KRT86: variants seen among roughly 807,000 people sequenced by gnomAD.
KRT86 encodes the protein keratin 86.
A neutral mutation model predicts 41.2 loss-of-function variants in KRT86; 30 were observed. The observed-to-expected ratio is 0.73, with a 90% CI of 0.54 to 0.99. The LOEUF (loss-of-function observed/expected upper bound fraction) is 0.99, where lower values mean the gene tolerates loss of function less well. Among genes scored for constraint, KRT86 ranks in the 50% least tolerant of loss-of-function variants. The probability of loss-of-function intolerance (pLI) is 0.00; values close to 1 mark genes in which losing one functional copy is unlikely to be tolerated. For synonymous variants in KRT86, 238 were observed against 238.1 expected, an observed-to-expected ratio of 1.00 and a Z score of 0.00; for missense variants, 561 against 571.4, an observed-to-expected ratio of 0.98 and a Z score of 0.19.
At chr12:52,288,911 T>C (rs1367549564) in intron 2 of KRT86, among the ~76,000 whole-genome samples, 3 of 149,922 alleles carry the variant, frequency 2.0e-5, no homozygotes, top group African/African-American at 7.4e-5. Context: ...AGCAGAGACA[T>C]TGTATCTGCT....
Position 52,308,871 on chromosome 12 carries a change from T to C in KRT86, c.*286T>C. Reference sequence around the variant, plus strand: ...CCTGCCTTCTGTTTTTTTTGCTGTATACATTGGTCTTGCCTGAGCTCTTCC... The same window carrying C: ...CCTGCCTTCTGTTTTTTTTGCTGTACACATTGGTCTTGCCTGAGCTCTTCC... On this transcript the variant is annotated 3_prime_UTR_variant, in exon 11 of 11. Coordinates refer to ENST00000423955, the MANE Select transcript of KRT86 (RefSeq NM_001320198.2). 1 of 476,784 alleles carries C rather than the reference T, an allele frequency of 2.1e-6. No individual in the cohort carries two copies. Among genetic ancestry groups the C allele is most frequent in the South Asian group, 2.2e-5 (1 of 45,970 alleles). The allele number at this position is 476,784 out of a possible 1,614,324, so 29.5% of individuals were successfully genotyped here.
intron 2 of KRT86, among the ~76,000 whole-genome samples, chr12:52,278,085 C>T (rs953497762): frequency 1.3e-5 from 2 of 152,096 alleles, no homozygotes; most frequent in Non-Finnish European, 1.5e-5. Flanking sequence ...CTCCCCAGGC[C>T]TGGGGAAGGT....
chr12:52,285,805 C>A, intron 2 of KRT86: 1 of 211,912 alleles, frequency 4.7e-6, no homozygotes. Flanking sequence ...GGATAGAAAA[C>A]TGTACTGGAG....
rs900959362 is a variant in KRT86, at chr12:52,275,853, C to T, written c.-98C>T. ...AATTAAAGGCAACTGTGCAGAAACACACGCAGAGCCTGAAGCCCAGCAAGG... is the reference window on the plus strand; with the variant it reads ...AATTAAAGGCAACTGTGCAGAAACATACGCAGAGCCTGAAGCCCAGCAAGG... On this transcript the variant is annotated 5_prime_UTR_variant, in exon 2 of 11. Coordinates refer to ENST00000423955, the MANE Select transcript of KRT86 (RefSeq NM_001320198.2). The T allele has an allele frequency of 7.1e-6, 7 of 985,866 alleles. No homozygotes were observed. Among genetic ancestry groups the T allele is most frequent in the Non-Finnish European group, 8.4e-6 (7 of 830,000 alleles). The allele number at this position is 985,866 out of a possible 1,614,324, so 61.1% of individuals were successfully genotyped here.
At chr12:52,295,985 C>T (rs1938240649) in intron 2 of KRT86, among the ~76,000 whole-genome samples, 1 of 151,896 alleles carries the variant, frequency 6.6e-6, no homozygotes, top group South Asian at 2.1e-4. Flanking sequence ...AAGCAAAGTC[C>T]TTGGCTTGGG....
Position 52,286,345 on chromosome 12 carries a change from G to T in KRT86, c.-5+10399G>T, listed in dbSNP as rs528988173. The T allele has an allele frequency of 3.2e-6, 5 of 1,555,186 alleles. No homozygotes were observed. In the East Asian group the frequency reaches 1.2e-4, roughly 38 times the overall value. On this transcript the variant is annotated intron_variant, in intron 2 of 10. Coordinates refer to ENST00000423955, the MANE Select transcript of KRT86 (RefSeq NM_001320198.2). ...CGCCGCAGGAACCCCCTCCGCAGGT[G>T]GTGTTCAATTGGCCGCAGGGCGCAC...
intron 2 of KRT86, among the ~76,000 whole-genome samples, chr12:52,294,984 A>G (rs930677525): frequency 4.6e-5 from 7 of 152,184 alleles, no homozygotes; most frequent in Non-Finnish European, 8.8e-5. Context: ...TTGCATGGCT[A>G]TACCACAGTT....
At position 52,305,563 on chromosome 12, in the gene KRT86, G is replaced by A. The variant is rs915022743; in HGVS notation, c.901-100G>A. Reference sequence around the variant, plus strand: ...TAGGGCAGGACTGCCATGTGTGGTTGCACAGGCTGAGCACTGCACAACCTG... The same window carrying A: ...TAGGGCAGGACTGCCATGTGTGGTTACACAGGCTGAGCACTGCACAACCTG... On this transcript the variant is annotated intron_variant, in intron 7 of 10. Transcript: ENST00000423955. The A allele has an allele frequency of 3.1e-6, 5 of 1,605,348 alleles. No homozygotes were observed. In the African/African-American group the frequency reaches 5.4e-5, roughly 17 times the overall value.
chr12:52,298,593 T>C (rs1203436030), intron 2 of KRT86, among the ~76,000 whole-genome samples: 1 of 152,214 alleles, frequency 6.6e-6, no homozygotes, highest in Non-Finnish European at 1.5e-5. Flanking sequence ...ATGGATTAAC[T>C]CTTTTAATCT....
intron 2 of KRT86, among the ~76,000 whole-genome samples, chr12:52,293,196 ATG>A: frequency 6.6e-6 from 1 of 152,228 alleles, no homozygotes; most frequent in East Asian, 1.9e-4. Flanking sequence ...TGATAAGAAT[ATG>A]TTTCTTTTTA....
chr12:52,293,516 A>C (rs1938183869), intron 2 of KRT86, among the ~76,000 whole-genome samples: 2 of 152,282 alleles, frequency 1.3e-5, no homozygotes, highest in East Asian at 3.9e-4. Flanking sequence ...CATCTAAGGA[A>C]GACGGGCAGA....
intron 1 of KRT86, among the ~76,000 whole-genome samples, chr12:52,275,242 G>A (rs1269265340): frequency 6.6e-6 from 1 of 152,134 alleles, no homozygotes; most frequent in Admixed American, 6.5e-5. Context: ...ACATGGGGGC[G>A]AGGTGCAAGA....
intron 2 of KRT86, chr12:52,287,807 G>A (rs1225565475): frequency 1.1e-5 from 17 of 1,611,662 alleles, no homozygotes; most frequent in Non-Finnish European, 1.4e-5. Flanking sequence ...AGGTTGTACA[G>A]TGCTCAGCCT....
chr12:52,288,010 C>T (rs200578000), intron 2 of KRT86: 100 of 1,614,100 alleles, frequency 6.2e-5, no homozygotes, highest in East Asian at 3.1e-4. Flanking sequence ...GACTCGGCCT[C>T]GGCCCGGCTG....
At chr12:52,278,953 G>A (rs1565735331) in intron 2 of KRT86, 1 of 152,438 alleles carries the variant, frequency 6.6e-6, no homozygotes, top group Non-Finnish European at 1.5e-5. Context: ...GTTCCTTTCG[G>A]GGAGTTTGTA....
rs1277017498 is a variant in KRT86, at chr12:52,304,947, T to C, written c.655T>C (p.Tyr219His). 3 of 1,614,022 alleles carry C rather than the reference T, an allele frequency of 1.9e-6. No individual in the cohort carries two copies. Among genetic ancestry groups the C allele is most frequent in the Non-Finnish European group, 2.5e-6 (3 of 1,180,026 alleles). Reference sequence around the variant, plus strand: ...ACCTTTCCAGGATGTGGACTGCGCCTACCTCCGCAAATCAGACCTGGAGGC... The same window carrying C: ...ACCTTTCCAGGATGTGGACTGCGCCCACCTCCGCAAATCAGACCTGGAGGC... ...VALKKDVDCA[Y>H]LRKSDLEANV... The change falls in exon 6 of 11, where the codon TAC (tyrosine) becomes CAC (histidine). Residue 219 changes from tyrosine to histidine, a missense_variant. Coordinates refer to ENST00000423955, the MANE Select transcript of KRT86 (RefSeq NM_001320198.2).
chr12:52,298,458 T>C (rs1938299108), intron 2 of KRT86, among the ~76,000 whole-genome samples: 1 of 152,356 alleles, frequency 6.6e-6, no homozygotes, highest in Non-Finnish European at 1.5e-5. Context: ...GGCTTAGGCA[T>C]GTGGATGAGT....
chr12:52,304,627 AGG>A (rs1565749031), intron 5 of KRT86, among the ~76,000 whole-genome samples: 2 of 151,788 alleles, frequency 1.3e-5, no homozygotes, highest in Non-Finnish European at 2.9e-5. Context: ...GGAAAGGGTC[AGG>A]GTGTGAGAGC....
chr12:52,288,503 C>T (rs369197277), intron 2 of KRT86: 2 of 1,601,562 alleles, frequency 1.2e-6, no homozygotes, highest in African/African-American at 2.7e-5. Flanking sequence ...GGTGATCCAG[C>T]CCCCAGACTC....
Sources: allele counts gnomAD v4.1 joint callset (sites outside exome capture counted in the v4.1 genomes callset), GRCh38; gene constraint gnomAD v4.1.1; transcripts MANE v1.5; gene names NCBI Gene and HGNC (gene_info 2026-07-23, HGNC 2026-07-21).